Variants in LRBA observed in about 807,000 individuals in gnomAD.
LRBA encodes the protein LPS responsive beige-like anchor protein.
LRBA carries 176 observed loss-of-function variants against 330.0 expected under a neutral mutation model. The observed-to-expected ratio is 0.53, with a 90% CI of 0.47 to 0.60. The LOEUF is 0.60. Ranked by LOEUF, LRBA falls within the 20% of genes least tolerant of loss-of-function variation. The pLI is 0.00. For missense variants in LRBA, 3,259 were observed against 3,444.8 expected, an observed-to-expected ratio of 0.95 and a Z score of 1.35; for synonymous variants, 1,230 against 1,193.0, an observed-to-expected ratio of 1.03 and a Z score of -0.64.
intron 36 of LRBA, among the ~76,000 whole-genome samples, chr4:150,712,144 G>A (rs1173035693): frequency 6.6e-6 from 1 of 152,180 alleles, no homozygotes; most frequent in East Asian, 1.9e-4. Context: ...TTATTAATCA[G>A]TCTTTGTCTT....
intron 2 of LRBA, among the ~76,000 whole-genome samples, chr4:151,005,358 A>AAC (rs772907633): frequency 3.7e-5 from 5 of 136,092 alleles, no homozygotes; most frequent in Non-Finnish European, 6.1e-5. Flanking sequence ...GAATCCCTTG[A>AAC]ACCCGGGAGG....
In LRBA at chr4:150,808,026, C is replaced by T. The variant is rs28448765; in HGVS notation, c.5384+294G>A. ...CAATCATTTGAAAGAAAGTCATAAG[C>T]TTATGTAAATATTTGTTATGCATGC... is the stretch of plus-strand genomic sequence containing the variant. On this transcript the variant is annotated intron_variant, in intron 32 of 56. Transcript: ENST00000651943. Among the ~76,000 whole-genome samples, 905 of 152,210 alleles carry T rather than the reference C, an allele frequency of 5.9e-3. 13 individuals carry two copies. Among genetic ancestry groups the T allele is most frequent in the African/African-American group, 0.021 (861 of 41,536 alleles).
At chr4:150,486,175 T>C (rs186329234) in intron 42 of LRBA, among the ~76,000 whole-genome samples, 42 of 151,976 alleles carry the variant, frequency 2.8e-4, no homozygotes, top group Non-Finnish European at 4.7e-4. Context: ...TATATATGTA[T>C]CAAATCATCA....
At chr4:150,874,240 A>G (rs1753758054) in intron 17 of LRBA, among the ~76,000 whole-genome samples, 1 of 152,198 alleles carries the variant, frequency 6.6e-6, no homozygotes, top group African/African-American at 2.4e-5. Flanking sequence ...CAGAATCATG[A>G]AAGGCACCCT....
chr4:150,446,429 G>A (rs934226099), intron 44 of LRBA, among the ~76,000 whole-genome samples: 18 of 152,278 alleles, frequency 1.2e-4, no homozygotes, highest in African/African-American at 3.9e-4. Context: ...TAATTCTCAT[G>A]ACTTAAGAAT....
intron 36 of LRBA, 95 bp downstream of exon 36, chr4:150,735,163 A>G (rs760716414): frequency 1.1e-6 from 1 of 882,962 alleles, no homozygotes; most frequent in Non-Finnish European, 1.9e-6. Context: ...GACATATACT[A>G]TGTTTCTTTG....
At chr4:150,472,893 G>A (rs1314680255) in intron 42 of LRBA, among the ~76,000 whole-genome samples, 1 of 151,920 alleles carries the variant, frequency 6.6e-6, no homozygotes, top group African/African-American at 2.4e-5. Context: ...TTATCTAGTT[G>A]ATGGACATTT....
intron 36 of LRBA, among the ~76,000 whole-genome samples, chr4:150,727,814 A>G (rs1050100960): frequency 1.1e-4 from 17 of 152,180 alleles, no homozygotes; most frequent in African/African-American, 4.1e-4. Flanking sequence ...GAACTAGAAA[A>G]GTAACAGTAA....
At chr4:150,418,560 AT>A (rs1311900216) in intron 46 of LRBA, among the ~76,000 whole-genome samples, 1 of 152,222 alleles carries the variant, frequency 6.6e-6, no homozygotes, top group Non-Finnish European at 1.5e-5. Context: ...CTAAGGAAAC[AT>A]TTTATGTAAA....
At chr4:150,876,590 A>G (rs1470449584) in intron 17 of LRBA, among the ~76,000 whole-genome samples, 9 of 152,210 alleles carry the variant, frequency 5.9e-5, no homozygotes, top group Non-Finnish European at 1.3e-4. Context: ...AATTTAGCCA[A>G]GAAATTTCAT....
At chr4:150,716,073 G>T (rs900669084) in intron 36 of LRBA, among the ~76,000 whole-genome samples, 8 of 152,052 alleles carry the variant, frequency 5.3e-5, no homozygotes, top group African/African-American at 1.7e-4. Context: ...GATTTAAGAA[G>T]TGGAACCAGT....
intron 47 of LRBA, among the ~76,000 whole-genome samples, chr4:150,390,552 A>G (rs1162417518): frequency 6.6e-6 from 1 of 152,136 alleles, no homozygotes. Context: ...CCCTTGACAC[A>G]TATTTCTTAT....
At chr4:150,787,232 A>C (rs979971754) in intron 34 of LRBA, among the ~76,000 whole-genome samples, 2 of 152,116 alleles carry the variant, frequency 1.3e-5, no homozygotes, top group Non-Finnish European at 2.9e-5. Context: ...AAAAAAAAAA[A>C]ACACTGATTC....
rs1753307231 is a variant in LRBA at position 150,870,598 on chromosome 4, T to C, written c.2376A>G (p.Ile792Met). 1.3e-6 allele frequency: 2 copies of C among 1,518,562 alleles called. No individual in the cohort carries two copies. Among genetic ancestry groups the C allele is most frequent in the Non-Finnish European group, 1.8e-6 (2 of 1,094,700 alleles). 94.1% of individuals were successfully genotyped at this position (1,518,562 alleles called of 1,614,324 possible). ...TTYNVLFEIL[I>M]EQIGTQVIHK... The stretch of plus-strand genomic sequence containing the variant: ...GTATCACCTGAGTACCAATCTGTTC[T>C]ATAAGAATCTACAGAAGTAAAACAA... The change falls in exon 20 of 57, where the codon ATA becomes ATG. Residue 792 changes from isoleucine (I) to methionine (M), a missense_variant. Physicochemically the swap from Ile to Met is conservative, Grantham distance 10 (BLOSUM62 1). Coordinates refer to ENST00000651943, the MANE Select transcript of LRBA (RefSeq NM_001364905.1).
intron 40 of LRBA, among the ~76,000 whole-genome samples, chr4:150,576,961 T>C (rs1770623397): frequency 6.6e-6 from 1 of 151,862 alleles, no homozygotes; most frequent in South Asian, 2.1e-4. Flanking sequence ...AAGGCTATTT[T>C]GTGAGGGGGG....
At chr4:150,489,441 TAATATATTATATATAAGAATATAA>T (rs1229618380) in intron 41 of LRBA, among the ~76,000 whole-genome samples, 569 of 23,228 alleles carry the variant, frequency 0.024, 22 homozygotes, top group Middle Eastern at 0.056. Flanking sequence ...TAAGAATATA[TAATATATTATATATAAGAATATAA>T]AATATATTAT....
rs533562500 is a variant in LRBA, at chr4:150,442,251, G to A, written c.6781-5387C>T. Among the ~76,000 whole-genome samples, 7 of 152,166 alleles carry A rather than the reference G, an allele frequency of 4.6e-5. No homozygotes were observed. In the East Asian group the frequency reaches 5.8e-4, roughly 13 times the overall value. On this transcript the variant is annotated intron_variant, in intron 44 of 56. Coordinates refer to ENST00000651943, the MANE Select transcript of LRBA (RefSeq NM_001364905.1). ...CTTTGGAAAATCATTAAACTCCAAC[G>A]TTTGGAGATGAGAAGCAGAAAAGAT...
rs76304003 is a variant in LRBA at position 150,883,487 on chromosome 4, T to C, written c.2165+9565A>G. On this transcript the variant is annotated intron_variant, in intron 17 of 56. Coordinates refer to ENST00000651943, the MANE Select transcript of LRBA (RefSeq NM_001364905.1). The stretch of plus-strand genomic sequence containing the variant: ...AAAACAAAAAAATTATGTTACTGTA[T>C]ACTAAGTACCAAGGTAATCATAAAC... Among the ~76,000 whole-genome samples the C allele has an allele frequency of 9.5e-3, 1,452 of 152,238 alleles. 6 individuals are homozygous for C. The highest frequency in any genetic ancestry group is 0.031 in the Middle Eastern group (9 of 294).
At chr4:150,387,296 G>A (rs1486537004) in intron 47 of LRBA, among the ~76,000 whole-genome samples, 1 of 151,798 alleles carries the variant, frequency 6.6e-6, no homozygotes, top group Non-Finnish European at 1.5e-5. Flanking sequence ...ATGTCATAAG[G>A]CAATCTATAT....
Sources: gnomAD v4.1 joint callset for allele counts (sites outside exome capture counted in the v4.1 genomes callset) on GRCh38, gnomAD v4.1.1 for gene constraint, MANE v1.5 for transcripts, NCBI Gene and HGNC (gene_info 2026-07-23, HGNC 2026-07-21) for gene names.